Variants in ADAM32 observed in about 807,000 individuals in gnomAD.
ADAM32 encodes the protein disintegrin and metalloproteinase domain-containing protein 32.
ADAM32 carries 89 observed loss-of-function variants against 114.9 expected under a neutral mutation model. The observed-to-expected ratio is 0.77, with a 90% confidence interval of 0.65 to 0.92. The LOEUF (loss-of-function observed/expected upper bound fraction) is 0.92. Ranked by LOEUF, ADAM32 falls within the 40% of genes least tolerant of loss-of-function variation. The pLI, the probability that ADAM32 is intolerant of heterozygous loss-of-function variation, is 0.00. For missense variants in ADAM32, 870 were observed against 932.8 expected (o/e 0.93, Z 0.88); for synonymous variants, 285 against 307.5 (o/e 0.93, Z 0.77).
At chr8:39,203,157 C>G (rs1266055220) in intron 11 of ADAM32, among the ~76,000 whole-genome samples, 6 of 152,038 alleles carry the variant, frequency 3.9e-5, no homozygotes, top group Non-Finnish European at 5.9e-5. Context: ...TCTACTTGGT[C>G]CAGGGCTGAG....
chr8:39,177,477 G>A (rs561812837), intron 10 of ADAM32, among the ~76,000 whole-genome samples: 71 of 152,124 alleles, frequency 4.7e-4, no homozygotes, highest in African/African-American at 1.6e-3. Flanking sequence ...TTTAATTTGG[G>A]CATTTAGCCT....
In ADAM32 at chr8:39,239,303, T is replaced by G. The variant is rs183564716; in HGVS notation, c.1818+5221T>G. The stretch of plus-strand genomic sequence containing the variant: ...ACAAAACAATTATCAGCTAGGAATT[T>G]TGTGTGCAGTGAAACTAAGCTTCAT... On this transcript the variant is annotated intron_variant, in intron 16 of 24. Transcript: ENST00000379907. 3.7e-3 allele frequency among the ~76,000 whole-genome samples: 562 copies of G among 152,288 alleles called. 14 individuals carry two copies. The highest frequency in any genetic ancestry group is 0.031 in the Admixed American group (474 of 15,282).
chr8:39,213,146 CTTA>C (rs1168370703), intron 12 of ADAM32, among the ~76,000 whole-genome samples: 5 of 151,994 alleles, frequency 3.3e-5, no homozygotes, highest in East Asian at 1.9e-4. Flanking sequence ...ACCTCACATA[CTTA>C]TTATTTTTTT....
At chr8:39,160,200 T>C (rs1378618743) in intron 6 of ADAM32, among the ~76,000 whole-genome samples, 2 of 151,992 alleles carry the variant, frequency 1.3e-5, no homozygotes, top group African/African-American at 2.4e-5. Context: ...AGAGGAAAAA[T>C]GAACTCACCT....
At chr8:39,143,250 C>A (rs1324818359) in intron 3 of ADAM32, among the ~76,000 whole-genome samples, 1 of 152,324 alleles carries the variant, frequency 6.6e-6, no homozygotes, top group East Asian at 1.9e-4. Flanking sequence ...TGTTCCCTGG[C>A]TGGCGAGGAG....
chr8:39,199,421 A>T (rs1050977562), intron 11 of ADAM32, among the ~76,000 whole-genome samples: 13 of 152,164 alleles, frequency 8.5e-5, no homozygotes, highest in African/African-American at 2.9e-4. Context: ...TGATCAGGTC[A>T]TTTAAAAAGC....
At chr8:39,157,868 A>C in intron 6 of ADAM32, 1 of 538,814 alleles carries the variant, frequency 1.9e-6, no homozygotes, top group South Asian at 1.8e-5. Context: ...AGTAGCCCTG[A>C]CTGATATTAT....
intron 11 of ADAM32, among the ~76,000 whole-genome samples, chr8:39,205,398 G>A (rs1807756358): frequency 6.6e-6 from 1 of 152,242 alleles, no homozygotes; most frequent in Non-Finnish European, 1.5e-5. Flanking sequence ...CAATGAGTGA[G>A]GCTCCGTGGG....
intron 19 of ADAM32, among the ~76,000 whole-genome samples, chr8:39,267,493 T>G (rs1302121801): frequency 6.6e-6 from 1 of 152,172 alleles, no homozygotes; most frequent in East Asian, 1.9e-4. Context: ...TATCTGTTGA[T>G]GAATATTTGG....
rs114817555 is a variant in ADAM32, at chr8:39,145,937, C to T, written c.201-1193C>T. ...GTAGAGATGAGGTTTCGCCTTGTTA[C>T]CCAGGCTGGTCTCGAACTCCTGAGC... On this transcript the variant is annotated intron_variant, in intron 3 of 24. Coordinates refer to ENST00000379907, the MANE Select transcript of ADAM32 (RefSeq NM_145004.7). Among the ~76,000 whole-genome samples the T allele has an allele frequency of 2.3e-3, 357 of 152,120 alleles. 2 individuals carry two copies. Among genetic ancestry groups the T allele is most frequent in the African/African-American group, 8.3e-3 (344 of 41,522 alleles).
chr8:39,181,510 C>A (rs532848302), intron 10 of ADAM32, among the ~76,000 whole-genome samples: 1 of 152,200 alleles, frequency 6.6e-6, no homozygotes, highest in African/African-American at 2.4e-5. Flanking sequence ...GTCAGTGAGA[C>A]CAAGAACCCA....
intron 14 of ADAM32, among the ~76,000 whole-genome samples, chr8:39,224,546 A>G (rs991408003): frequency 6.6e-6 from 1 of 151,696 alleles, no homozygotes; most frequent in Non-Finnish European, 1.5e-5. Context: ...GATGAGTTGT[A>G]TGTATTCTCT....
chr8:39,144,433 G>A (rs1808065409), intron 3 of ADAM32, among the ~76,000 whole-genome samples: 1 of 152,222 alleles, frequency 6.6e-6, no homozygotes, highest in African/African-American at 2.4e-5. Flanking sequence ...GACTATAGTG[G>A]TGGCAGGGAT....
At position 39,225,863 on chromosome 8, in the gene ADAM32, C is replaced by T. The variant is rs542355394; in HGVS notation, c.1525+2625C>T. Among the ~76,000 whole-genome samples, 7 of 152,014 alleles carry T rather than the reference C, an allele frequency of 4.6e-5. No homozygotes were observed. In the South Asian group the frequency reaches 1.5e-3, roughly 32 times the overall value. ...ACTGCTCCATCGAATTTGAAGGTAT[C>T]AATGCAATACAATAAGAAACATGAA... is the stretch of plus-strand genomic sequence containing the variant. On this transcript the variant is annotated intron_variant, in intron 14 of 24. Transcript: ENST00000379907.
chr8:39,161,111 CTAAA>C (rs1055587074), intron 7 of ADAM32, 146 bp downstream of exon 7: 20 of 706,152 alleles, frequency 2.8e-5, no homozygotes, highest in South Asian at 1.2e-4. Context: ...AACTGAGAAA[CTAAA>C]TAGTCAAAAT....
intron 11 of ADAM32, among the ~76,000 whole-genome samples, chr8:39,208,571 C>A (rs141589847): frequency 6.6e-6 from 1 of 152,194 alleles, no homozygotes; most frequent in African/African-American, 2.4e-5. Context: ...TTTAGCATTT[C>A]TTATGGTTTG....
chr8:39,122,463 A>G (rs1197255062), intron 2 of ADAM32, among the ~76,000 whole-genome samples: 1 of 152,194 alleles, frequency 6.6e-6, no homozygotes, highest in Non-Finnish European at 1.5e-5. Flanking sequence ...ATGTGAGAAC[A>G]TAGTGAGAAA....
chr8:39,272,729 T>C (rs1445657668), intron 20 of ADAM32, among the ~76,000 whole-genome samples: 3 of 152,204 alleles, frequency 2.0e-5, no homozygotes, highest in Non-Finnish European at 4.4e-5. Context: ...TACTATAAAC[T>C]GTATAAACAC....
chr8:39,229,327 A>G (rs930993551), intron 14 of ADAM32, among the ~76,000 whole-genome samples: 5 of 152,224 alleles, frequency 3.3e-5, no homozygotes, highest in African/African-American at 1.2e-4. Context: ...AGGATGATGA[A>G]TTCAATGGTA....
Sources: allele counts gnomAD v4.1 joint callset (sites outside exome capture counted in the v4.1 genomes callset), GRCh38; gene constraint gnomAD v4.1.1; transcripts MANE v1.5; gene names NCBI Gene and HGNC (gene_info 2026-07-23, HGNC 2026-07-21).